PRKX: variants seen among roughly 807,000 people sequenced by gnomAD.
PRKX encodes protein kinase cAMP-dependent X-linked catalytic subunit, also known as cAMP-dependent protein kinase catalytic subunit PRKX.
PRKX carries 12 observed loss-of-function variants against 22.0 expected under a neutral mutation model. The ratio of observed to expected loss-of-function variants is 0.54; its 90% CI spans 0.35 to 0.88. The LOEUF is 0.88. Among genes scored for constraint, PRKX ranks in the 40% least tolerant of loss-of-function variants. The probability of loss-of-function intolerance (pLI) is 0.01; values close to 1 mark genes in which losing one functional copy is unlikely to be tolerated. For missense variants in PRKX, 217 were observed against 308.0 expected, an observed-to-expected ratio of 0.70 and a Z score of 2.21; for synonymous variants, 134 against 137.7, an observed-to-expected ratio of 0.97 and a Z score of 0.19.
intron 3 of PRKX, among the ~76,000 whole-genome samples, chrX:3,650,322 C>T (rs1274013024): frequency 3.9e-5 from 4 of 101,478 alleles, no homozygotes; most frequent in Admixed American, 1.1e-4. Context: ...GAGATCGAGA[C>T]CATCCTGGCT....
intron 1 of PRKX, among the ~76,000 whole-genome samples, chrX:3,702,385 T>C (rs1375470198): frequency 8.9e-6 from 1 of 112,984 alleles, no homozygotes; most frequent in African/African-American, 3.2e-5. Context: ...TCCACCAAAT[T>C]AGTTGTCAAC....
intron 8 of PRKX, among the ~76,000 whole-genome samples, chrX:3,609,532 G>C (rs1926251661): frequency 9.0e-6 from 1 of 111,332 alleles, no homozygotes; most frequent in Non-Finnish European, 1.9e-5. Flanking sequence ...ACGGCTCACT[G>C]CAGCCTCAAC....
At chrX:3,655,462 G>A in intron 2 of PRKX, 50 bp from the exon 3 acceptor site, 3 of 1,198,806 alleles carry the variant, frequency 2.5e-6, no homozygotes, top group Non-Finnish European at 3.4e-6. Context: ...GCAGGGCAGG[G>A]GGTACGCCGT....
At chrX:3,652,701 C>T (rs186173329) in intron 3 of PRKX, among the ~76,000 whole-genome samples, 1 of 112,128 alleles carries the variant, frequency 8.9e-6, no homozygotes, top group Non-Finnish European at 1.9e-5. Flanking sequence ...TCCCTTAAAC[C>T]TTATATGCTG....
At chrX:3,688,650 C>G (rs1459115584) in intron 1 of PRKX, among the ~76,000 whole-genome samples, 1 of 110,253 alleles carries the variant, frequency 9.1e-6, no homozygotes, top group African/African-American at 3.3e-5. Flanking sequence ...ATCACTTGAG[C>G]CCAGGAGATC....
intron 4 of PRKX, among the ~76,000 whole-genome samples, chrX:3,636,126 A>T (rs769002717): frequency 1.8e-5 from 2 of 112,544 alleles, no homozygotes; most frequent in Non-Finnish European, 3.8e-5. Flanking sequence ...GATTTTACCA[A>T]ATAGATGGTT....
At chrX:3,640,448 A>T (rs1927054599) in intron 4 of PRKX, among the ~76,000 whole-genome samples, 1 of 112,234 alleles carries the variant, frequency 8.9e-6, no homozygotes, top group African/African-American at 3.2e-5. Context: ...GATGACGCCC[A>T]CGTCCTGGGT....
chrX:3,639,493 T>A (rs1197446355), intron 4 of PRKX, among the ~76,000 whole-genome samples: 1 of 7,734 alleles, frequency 1.3e-4, no homozygotes, highest in African/African-American at 5.0e-4. Flanking sequence ...GGTGGGGGAG[T>A]GGGTACATGG....
At chrX:3,664,528 A>G (rs1302097806) in intron 2 of PRKX, among the ~76,000 whole-genome samples, 3 of 112,462 alleles carry the variant, frequency 2.7e-5, no homozygotes, top group Non-Finnish European at 3.7e-5. Context: ...GTGGGCCACC[A>G]TGCCTGGATT....
chrX:3,706,423 A>C (rs996361304), intron 1 of PRKX, among the ~76,000 whole-genome samples: 1 of 111,527 alleles, frequency 9.0e-6, no homozygotes, highest in Admixed American at 9.5e-5. Context: ...TCTTGGGCTC[A>C]AGTGATCCTC....
At chrX:3,618,244 G>C (rs1215226508) in intron 6 of PRKX, among the ~76,000 whole-genome samples, 2 of 110,588 alleles carry the variant, frequency 1.8e-5, no homozygotes, top group Admixed American at 1.9e-4. Context: ...CAAAGTGAGA[G>C]AGACAGGAGG....
At chrX:3,630,409 A>G (rs2050074315) in intron 4 of PRKX, among the ~76,000 whole-genome samples, 2 of 110,856 alleles carry the variant, frequency 1.8e-5, no homozygotes, top group African/African-American at 6.5e-5. Context: ...AAATACAAAA[A>G]ATTAGCCAGG....
chrX:3,637,187 G>A (rs1027495938), intron 4 of PRKX, among the ~76,000 whole-genome samples: 1 of 110,499 alleles, frequency 9.0e-6, no homozygotes, highest in Non-Finnish European at 1.9e-5. Context: ...CCTTTGGGCA[G>A]GGGGACAGGT....
chrX:3,678,821 G>A (rs1028567459), intron 1 of PRKX, among the ~76,000 whole-genome samples: 1 of 111,548 alleles, frequency 9.0e-6, no homozygotes, highest in African/African-American at 3.3e-5. Context: ...TATCCCACTT[G>A]AGGAGAAAAT....
intron 1 of PRKX, among the ~76,000 whole-genome samples, chrX:3,710,713 C>A (rs1211968889): frequency 8.9e-6 from 1 of 112,106 alleles, no homozygotes; most frequent in Non-Finnish European, 1.9e-5. Context: ...GATTGCTCAG[C>A]TGGCAATCTG....
In PRKX at chrX:3,615,698, G is replaced by C. The variant is rs753549448; in HGVS notation, c.951+117C>G. Reference sequence around the variant, plus strand: ...TATGAACAGTTTTAGACAAATAGTTGTATTATATAAATTAATCACATGTCA... The same window carrying C: ...TATGAACAGTTTTAGACAAATAGTTCTATTATATAAATTAATCACATGTCA... On this transcript the variant is annotated intron_variant, in intron 7 of 8. Coordinates refer to ENST00000262848, the MANE Select transcript of PRKX (RefSeq NM_005044.5). 314 of 616,094 alleles carry C rather than the reference G, an allele frequency of 5.1e-4. 2 individuals are homozygous for C. The Middle Eastern group carries it at 6.0e-3, about 12-fold the overall frequency. The allele number at this position is 616,094 out of a possible 1,213,427, so 50.8% of individuals were successfully genotyped here. A position where few individuals can be genotyped will look rare whatever the true frequency, so the allele number is the denominator to read the frequency against.
rs771985540 is a variant in PRKX, at chrX:3,681,858, G to A, written c.167-7092C>T. 1.7e-4 allele frequency among the ~76,000 whole-genome samples: 19 copies of A among 109,748 alleles called. No individual in the cohort carries two copies. In the East Asian group the frequency reaches 4.7e-3, roughly 27 times the overall value. On this transcript the variant is annotated intron_variant, in intron 1 of 8. Coordinates refer to ENST00000262848, the MANE Select transcript of PRKX (RefSeq NM_005044.5). ...TGACTTTGGAGGGAAGGAAGGAGGC[G>A]GCCAGCAGAGAGAGAAGCAAAGACA...
At position 3,604,394 on chromosome X, in the gene PRKX, TAAAC is replaced by T. The variant is rs1016919471; in HGVS notation, c.*4571_*4574del. The T allele has an allele frequency of 1.8e-5, 2 of 112,983 alleles. No homozygotes were observed. Among genetic ancestry groups the T allele is most frequent in the Admixed American group, 9.4e-5 (1 of 10,688 alleles). The allele number at this position is 112,983 out of a possible 1,213,427, so 9.3% of individuals were successfully genotyped here. ...CTTCTGAAAAGATACAAAGTTTTATTAAACAAACCTGGAATCAACAGTATTATTA... is the reference window on the plus strand; with the variant it reads ...CTTCTGAAAAGATACAAAGTTTTATTAAACCTGGAATCAACAGTATTATTA... On this transcript the variant is annotated 3_prime_UTR_variant, in exon 9 of 9. Coordinates refer to ENST00000262848, the MANE Select transcript of PRKX (RefSeq NM_005044.5).
chrX:3,613,841 T>A (rs1175291588), intron 7 of PRKX, among the ~76,000 whole-genome samples: 1 of 53,016 alleles, frequency 1.9e-5, no homozygotes, highest in Non-Finnish European at 3.2e-5. Flanking sequence ...AGCGACAAAG[T>A]GAGACTCCAT....
Sources: allele counts gnomAD v4.1 joint callset (sites outside exome capture counted in the v4.1 genomes callset), GRCh38; gene constraint gnomAD v4.1.1; transcripts MANE v1.5; gene names NCBI Gene and HGNC (gene_info 2026-07-23, HGNC 2026-07-21).